Variants in EIF3I observed in about 807,000 individuals in gnomAD.
EIF3I encodes eukaryotic translation initiation factor 3 subunit I.
A neutral mutation model predicts 43.3 loss-of-function variants in EIF3I; 20 were observed. That is an observed-to-expected ratio of 0.46 (90% CI 0.32 to 0.67). The LOEUF (loss-of-function observed/expected upper bound fraction) is 0.67, where lower values mean the gene tolerates loss of function less well. EIF3I is among the 30% of genes least tolerant of loss of function. The pLI, the probability that EIF3I is intolerant of heterozygous loss-of-function variation, is 0.03. For missense variants in EIF3I, 279 were observed against 421.4 expected, an observed-to-expected ratio of 0.66 and a Z score of 2.96; for synonymous variants, 167 against 151.7, an observed-to-expected ratio of 1.10 and a Z score of -0.74.
chr1:32,224,362 G>A (rs1434132452), intron 3 of EIF3I, 48 bp from the exon 4 acceptor site: 3 of 1,534,980 alleles, frequency 2.0e-6, no homozygotes, highest in Admixed American at 1.7e-5. Flanking sequence ...CATCCCAAGA[G>A]GACAAGGGCT....
At chr1:32,235,473 G>A (rs1639288341), downstream of EIF3I, among the ~76,000 whole-genome samples, 1 of 152,062 alleles carries the variant, frequency 6.6e-6, no homozygotes, top group South Asian at 2.1e-4. Context: ...TGGGACTACA[G>A]GCGACCGCCA....
At chr1:32,231,366 C>CTAT (rs1639233695), downstream of EIF3I, 4 of 564,320 alleles carry the variant, frequency 7.1e-6, no homozygotes, top group Admixed American at 2.9e-5. Context: ...TGGCACACGC[C>CTAT]TATAGTCCCA....
At chr1:32,224,820 C>T (rs929445099) in intron 4 of EIF3I, among the ~76,000 whole-genome samples, 5 of 151,508 alleles carry the variant, frequency 3.3e-5, no homozygotes, top group South Asian at 4.2e-4. Flanking sequence ...TATAGGCGCA[C>T]GCCACCATGC....
rs957577312 is a variant in EIF3I, at chr1:32,229,329, C to G, written c.803+121C>G. ...AGGCTGGAGCGCAGTGGCGTGATCT[C>G]TGCTCACTGCAAGCTCTGCCTCCCG... On this transcript the variant is annotated intron_variant, in intron 9 of 11. Transcript: ENST00000676679. 21 of 1,007,240 alleles carry G rather than the reference C, an allele frequency of 2.1e-5. No individual in the cohort carries two copies. In the African/African-American group the frequency reaches 3.1e-4, roughly 15 times the overall value. 62.4% of individuals were successfully genotyped at this position (1,007,240 alleles called of 1,614,324 possible).
At chr1:32,226,659 C>G in intron 6 of EIF3I, 129 bp downstream of exon 6, 1 of 1,015,282 alleles carries the variant, frequency 9.8e-7, no homozygotes. Context: ...CTCCACCTCC[C>G]TGGTTCAAGC....
At chr1:32,228,863 C>A (rs1321201537) in intron 8 of EIF3I, 47 bp downstream of exon 8, 1 of 1,488,138 alleles carries the variant, frequency 6.7e-7, no homozygotes, top group Non-Finnish European at 9.3e-7. Flanking sequence ...AGGAAGCTTC[C>A]AAGTTCTAGA....
chr1:32,231,240 C>T, exon 12 of EIF3I: 1 of 1,580,376 alleles, frequency 6.3e-7, no homozygotes. Context: ...TGCCTGTAAT[C>T]CCACCACTTT....
At chr1:32,226,023 A>G in intron 4 of EIF3I, 148 bp from the exon 5 acceptor site, 1 of 1,140,526 alleles carries the variant, frequency 8.8e-7, no homozygotes, top group Non-Finnish European at 1.2e-6. Flanking sequence ...ACTGTCTCAA[A>G]AAAGAAAAAA....
At chr1:32,228,499 T>A (rs773405356) in exon 7 of EIF3I, 2 of 1,613,796 alleles carry the variant, frequency 1.2e-6, no homozygotes, top group Non-Finnish European at 1.7e-6. Flanking sequence ...CCTTCCCTAG[T>A]CTGGAGAGGT....
At chr1:32,228,801 C>T (rs1437406895) in exon 8 of EIF3I, 2 of 1,613,900 alleles carry the variant, frequency 1.2e-6, no homozygotes, top group South Asian at 2.2e-5. Flanking sequence ...CTGCCCTCTC[C>T]CCCAACTATG....
rs1428558016 is a variant in EIF3I at position 32,231,016 on chromosome 1, A to G, written c.1004A>G (p.Lys335Arg). ...AGTGTTGCCTTCCATCCTGATGGCAAGAGGTAGGGTACCAGTGAAGCAGCT... is the reference window on the plus strand; with the variant it reads ...AGTGTTGCCTTCCATCCTGATGGCAGGAGGTAGGGTACCAGTGAAGCAGCT... The change falls in exon 11 of 12, where the codon AAG becomes AGG. Residue 335 changes from lysine (K) to arginine (R), a missense_variant. Lys to Arg is a conservative substitution (Grantham distance 26, BLOSUM62 2). Coordinates refer to ENST00000676679, the Ensembl canonical transcript of EIF3I. 10 of 1,613,010 alleles carry G rather than the reference A, an allele frequency of 6.2e-6. No individual in the cohort carries two copies. The highest frequency in any genetic ancestry group is 1.7e-5 in the Admixed American group (1 of 59,658).
At chr1:32,225,751 G>C (rs533141600) in intron 4 of EIF3I, among the ~76,000 whole-genome samples, 1 of 151,666 alleles carries the variant, frequency 6.6e-6, no homozygotes, top group Non-Finnish European at 1.5e-5. Flanking sequence ...GGCCGGGCGC[G>C]GTGGCTCACA....
downstream of EIF3I, among the ~76,000 whole-genome samples, chr1:32,233,190 T>C (rs1015481341): frequency 6.6e-6 from 1 of 152,034 alleles, no homozygotes; most frequent in East Asian, 1.9e-4. Flanking sequence ...AGTCTTGCTC[T>C]GACACCTAGG....
intron 8 of EIF3I, 93 bp from the exon 9 acceptor site, chr1:32,229,042 C>T (rs764680777): frequency 2.8e-5 from 38 of 1,349,466 alleles, no homozygotes; most frequent in Admixed American, 8.1e-5. Flanking sequence ...CCCATTGAGC[C>T]GTGTGAGATG....
chr1:32,227,476 A>T (rs1031575368), intron 6 of EIF3I, among the ~76,000 whole-genome samples: 3 of 152,066 alleles, frequency 2.0e-5, no homozygotes, highest in Admixed American at 2.0e-4. Flanking sequence ...TACTCAGGAC[A>T]TGTTAATAAG....
downstream of EIF3I, among the ~76,000 whole-genome samples, chr1:32,232,388 A>G (rs1639250347): frequency 6.6e-6 from 1 of 152,236 alleles, no homozygotes; most frequent in Admixed American, 6.5e-5. Flanking sequence ...CTACTTCTTA[A>G]GGAGTTCTAT....
chr1:32,228,315 T>G (rs1195933479), intron 6 of EIF3I, among the ~76,000 whole-genome samples, 184 bp from the exon 7 acceptor site: 1 of 152,174 alleles, frequency 6.6e-6, no homozygotes, highest in Non-Finnish European at 1.5e-5. Context: ...AACTAGCCAA[T>G]AGGCATAGGA....
At chr1:32,228,799 T>C (rs1639189311) in exon 8 of EIF3I, 2 of 1,613,894 alleles carry the variant, frequency 1.2e-6, no homozygotes, top group Non-Finnish European at 1.7e-6. Flanking sequence ...AGCTGCCCTC[T>C]CCCCCAACTA....
At chr1:32,228,465 G>T (rs773993244) in intron 6 of EIF3I, 34 bp from the exon 7 acceptor site, 1 of 1,571,528 alleles carries the variant, frequency 6.4e-7, no homozygotes, top group East Asian at 2.2e-5. Context: ...GTAGGGATTG[G>T]GCCCATTCAG....
Sources: gnomAD v4.1 joint callset for allele counts (sites outside exome capture counted in the v4.1 genomes callset) on GRCh38, gnomAD v4.1.1 for gene constraint, MANE v1.5 for transcripts, NCBI Gene and HGNC (gene_info 2026-07-23, HGNC 2026-07-21) for gene names.